Variants in LRRC1 observed in about 807,000 individuals in gnomAD.
LRRC1 encodes the protein leucine rich repeat containing 1.
A neutral mutation model predicts 69.9 loss-of-function variants in LRRC1; 28 were observed. That is an observed-to-expected ratio of 0.40 (90% CI 0.30 to 0.55). LRRC1 has a LOEUF of 0.55. Among genes scored for constraint, LRRC1 ranks in the 20% least tolerant of loss-of-function variants. The pLI is 0.47. For missense variants in LRRC1, 498 were observed against 609.0 expected, an observed-to-expected ratio of 0.82 and a Z score of 1.92; for synonymous variants, 236 against 240.2, an observed-to-expected ratio of 0.98 and a Z score of 0.16.
At chr6:53,807,845 T>G (rs746919533) in intron 1 of LRRC1, among the ~76,000 whole-genome samples, 5 of 152,180 alleles carry the variant, frequency 3.3e-5, no homozygotes, top group Non-Finnish European at 5.9e-5. Flanking sequence ...TTAAGGCCTC[T>G]CTAAGGAAGT....
At chr6:53,868,417 G>A (rs959046790) in intron 2 of LRRC1, among the ~76,000 whole-genome samples, 2 of 151,974 alleles carry the variant, frequency 1.3e-5, no homozygotes, top group Non-Finnish European at 2.9e-5. Context: ...TAGAGATGGG[G>A]TTTCCCCATG....
intron 2 of LRRC1, among the ~76,000 whole-genome samples, chr6:53,847,733 T>C (rs1765992586): frequency 1.3e-5 from 2 of 152,228 alleles, no homozygotes; most frequent in African/African-American, 4.8e-5. Context: ...TCTATAGCTA[T>C]GGATTTGTTT....
At chr6:53,795,530 T>G in intron 1 of LRRC1, 115 bp downstream of exon 1, 2 of 970,624 alleles carry the variant, frequency 2.1e-6, no homozygotes, top group Non-Finnish European at 3.0e-6. Context: ...ACCTTCCCTC[T>G]TTTATGCATT....
chr6:53,903,737 C>A (rs938001744), intron 9 of LRRC1, among the ~76,000 whole-genome samples: 2 of 152,168 alleles, frequency 1.3e-5, no homozygotes, highest in Non-Finnish European at 2.9e-5. Context: ...CAGCCTCTGG[C>A]AGGTGTGGTG....
intron 2 of LRRC1, among the ~76,000 whole-genome samples, chr6:53,842,458 A>C (rs1765822026): frequency 6.6e-6 from 1 of 152,188 alleles, no homozygotes; most frequent in Admixed American, 6.5e-5. Context: ...TTGGGGTGAA[A>C]TTAATGCCAT....
At chr6:53,873,789 A>C (rs909366009) in intron 2 of LRRC1, among the ~76,000 whole-genome samples, 1 of 152,090 alleles carries the variant, frequency 6.6e-6, no homozygotes, top group African/African-American at 2.4e-5. Flanking sequence ...CTCTTGCCTA[A>C]TCTCTCTGGG....
chr6:53,797,836 G>A (rs560033338), intron 1 of LRRC1, among the ~76,000 whole-genome samples: 1 of 152,196 alleles, frequency 6.6e-6, no homozygotes, highest in Non-Finnish European at 1.5e-5. Flanking sequence ...TCTCAGGGCT[G>A]TCCAGTGAGT....
At chr6:53,836,352 T>C (rs760865179) in intron 1 of LRRC1, among the ~76,000 whole-genome samples, 12 of 152,216 alleles carry the variant, frequency 7.9e-5, no homozygotes, top group Non-Finnish European at 1.3e-4. Flanking sequence ...AGCTAACTTA[T>C]ATGCGTAGGT....
At chr6:53,901,832 T>G (rs1299979632) in intron 8 of LRRC1, among the ~76,000 whole-genome samples, 1 of 152,260 alleles carries the variant, frequency 6.6e-6, no homozygotes, top group Non-Finnish European at 1.5e-5. Flanking sequence ...CCTTCTCCTA[T>G]CTTGCCCTGT....
At chr6:53,850,922 C>T (rs1413910402) in intron 2 of LRRC1, among the ~76,000 whole-genome samples, 3 of 152,184 alleles carry the variant, frequency 2.0e-5, no homozygotes, top group African/African-American at 7.2e-5. Flanking sequence ...GAAATTTTTA[C>T]GAACTATGCC....
chr6:53,901,585 T>G (rs2127437360), intron 8 of LRRC1, among the ~76,000 whole-genome samples: 1 of 151,854 alleles, frequency 6.6e-6, no homozygotes, highest in South Asian at 2.1e-4. Context: ...CAAATCAGTT[T>G]GGGCTGCTTA....
chr6:53,855,710 G>A (rs191441400), intron 2 of LRRC1, among the ~76,000 whole-genome samples: 2 of 152,198 alleles, frequency 1.3e-5, no homozygotes, highest in Admixed American at 1.3e-4. Context: ...AAATGCCATG[G>A]AAATGTGCTT....
chr6:53,878,867 G>C, intron 2 of LRRC1, 126 bp from the exon 3 acceptor site: 1 of 598,620 alleles, frequency 1.7e-6, no homozygotes, highest in East Asian at 2.9e-5. Context: ...TACTTTATAA[G>C]TCTAGGTCAT....
At chr6:53,811,835 A>C (rs1332335549) in intron 1 of LRRC1, among the ~76,000 whole-genome samples, 1 of 152,230 alleles carries the variant, frequency 6.6e-6, no homozygotes, top group African/African-American at 2.4e-5. Flanking sequence ...GCGAGGTACT[A>C]ATCTGACAGG....
rs142836889 is a variant in LRRC1, at chr6:53,855,808, G to A, written c.277+13581G>A. ...TTTTAGGTCCTTGCTCTATTCAGGA[G>A]CTATGCATTATGTCGTTGGAGAAGA... On this transcript the variant is annotated intron_variant, in intron 2 of 13. Transcript: ENST00000370888. Among the ~76,000 whole-genome samples the A allele has an allele frequency of 2.8e-3, 422 of 152,248 alleles. 3 individuals are homozygous for A. The highest frequency in any genetic ancestry group is 9.6e-3 in the African/African-American group (398 of 41,544).
At chr6:53,825,392 G>T (rs1484218559) in intron 1 of LRRC1, among the ~76,000 whole-genome samples, 1 of 152,212 alleles carries the variant, frequency 6.6e-6, no homozygotes, top group East Asian at 1.9e-4. Context: ...GCAGTGGTCA[G>T]TCCTGCTAGA....
intron 3 of LRRC1, among the ~76,000 whole-genome samples, 159 bp downstream of exon 3, chr6:53,879,230 C>G (rs1401330646): frequency 6.6e-6 from 1 of 152,066 alleles, no homozygotes; most frequent in African/African-American, 2.4e-5. Flanking sequence ...TTATAAATAG[C>G]CCTGTACAAT....
intron 1 of LRRC1, among the ~76,000 whole-genome samples, chr6:53,804,940 G>A (rs1764595149): frequency 6.6e-6 from 1 of 152,152 alleles, no homozygotes; most frequent in African/African-American, 2.4e-5. Context: ...GGAAAATAAA[G>A]ACATGGGCTA....
chr6:53,863,305 A>T (rs1443429225), intron 2 of LRRC1, among the ~76,000 whole-genome samples: 1 of 152,164 alleles, frequency 6.6e-6, no homozygotes, highest in Non-Finnish European at 1.5e-5. Flanking sequence ...ATTTTTGCCC[A>T]GAAGGGTTTC....
Sources: gnomAD v4.1 joint callset for allele counts (sites outside exome capture counted in the v4.1 genomes callset) on GRCh38, gnomAD v4.1.1 for gene constraint, MANE v1.5 for transcripts, NCBI Gene and HGNC (gene_info 2026-07-23, HGNC 2026-07-21) for gene names.